MUSK: variants seen among roughly 807,000 people sequenced by gnomAD.
MUSK encodes the protein muscle associated receptor tyrosine kinase.
In MUSK, 55 loss-of-function variants were observed where a neutral mutation model predicts 88.7. The ratio of observed to expected loss-of-function variants is 0.62; its 90% CI spans 0.50 to 0.78. The LOEUF (loss-of-function observed/expected upper bound fraction) is 0.78, where lower values mean the gene tolerates loss of function less well. Among genes scored for constraint, MUSK ranks in the 30% least tolerant of loss-of-function variants. MUSK has a pLI of 0.00. For synonymous variants in MUSK, 387 were observed against 391.9 expected, an observed-to-expected ratio of 0.99 and a Z score of 0.15; for missense variants, 1,015 against 1,074.3, an observed-to-expected ratio of 0.94 and a Z score of 0.77.
At chr9:110,700,537 A>T (rs59094253) in intron 5 of MUSK, among the ~76,000 whole-genome samples, 3,835 of 152,184 alleles carry the variant, frequency 0.025, 171 homozygotes, top group African/African-American at 0.088. Context: ...TTTTTCAGAG[A>T]AAAGGGAGGA....
chr9:110,689,395 A>T (rs2076254654), intron 3 of MUSK, among the ~76,000 whole-genome samples: 1 of 116,716 alleles, frequency 8.6e-6, no homozygotes, highest in Non-Finnish European at 1.6e-5. Context: ...ATATAAAAAT[A>T]TGTGAAAAAT....
intron 8 of MUSK, among the ~76,000 whole-genome samples, chr9:110,762,847 C>T (rs2077421940): frequency 1.3e-5 from 2 of 152,052 alleles, no homozygotes; most frequent in Admixed American, 6.6e-5. Flanking sequence ...TAAAAACAGG[C>T]AGCAGGATAC....
At chr9:110,694,762 A>T (rs1248663600) in intron 3 of MUSK, among the ~76,000 whole-genome samples, 1 of 152,180 alleles carries the variant, frequency 6.6e-6, no homozygotes, top group Non-Finnish European at 1.5e-5. Flanking sequence ...AAAGTTTCAT[A>T]TTTGAGAATA....
In MUSK at chr9:110,754,564, G is replaced by C. The variant is rs1050920283; in HGVS notation, c.913+6764G>C. Among the ~76,000 whole-genome samples the C allele has an allele frequency of 3.3e-5, 5 of 152,112 alleles. 1 individual carries two copies. Among genetic ancestry groups the C allele is most frequent in the South Asian group, 4.1e-4 (2 of 4,830 alleles). On this transcript the variant is annotated intron_variant, in intron 7 of 14. Transcript: ENST00000374448. Reference sequence around the variant, plus strand: ...TATCCCCTCCCAGGTACTATGGCTGGATTCTCTTTTGCATTGGCTTATCTC... The same window carrying C: ...TATCCCCTCCCAGGTACTATGGCTGCATTCTCTTTTGCATTGGCTTATCTC...
intron 9 of MUSK, among the ~76,000 whole-genome samples, chr9:110,772,354 G>A (rs1189169558): frequency 6.6e-6 from 1 of 151,502 alleles, no homozygotes; most frequent in African/African-American, 2.4e-5. Context: ...AAATTTATTA[G>A]AAAATCATAG....
intron 1 of MUSK, 143 bp downstream of exon 1, chr9:110,669,126 GA>G: frequency 1.3e-6 from 1 of 757,322 alleles, no homozygotes; most frequent in South Asian, 1.5e-5. Context: ...GATGAGGGAG[GA>G]AATTATATAC....
At chr9:110,746,389 T>C (rs973149332) in intron 6 of MUSK, among the ~76,000 whole-genome samples, 1 of 152,222 alleles carries the variant, frequency 6.6e-6, no homozygotes, top group Non-Finnish European at 1.5e-5. Context: ...GTTAAGGTAG[T>C]TGTTACTCTT....
At chr9:110,674,172 GCTA>G (rs1346446813) in intron 1 of MUSK, among the ~76,000 whole-genome samples, 2 of 152,064 alleles carry the variant, frequency 1.3e-5, no homozygotes, top group Non-Finnish European at 2.9e-5. Flanking sequence ...CCAGTCTCAA[GCTA>G]CTATCAAATA....
At chr9:110,790,024 G>C (rs535112886) in intron 14 of MUSK, among the ~76,000 whole-genome samples, 2 of 152,304 alleles carry the variant, frequency 1.3e-5, no homozygotes, top group Non-Finnish European at 2.9e-5. Context: ...GAGCATTCCA[G>C]TATTTAGTGT....
intron 13 of MUSK, among the ~76,000 whole-genome samples, chr9:110,786,713 A>G (rs1416526674): frequency 6.6e-6 from 1 of 152,210 alleles, no homozygotes. Flanking sequence ...TGAGCTCAAG[A>G]AAGGAGTATG....
intron 11 of MUSK, among the ~76,000 whole-genome samples, chr9:110,781,213 ACT>A (rs1337614884): frequency 6.6e-6 from 1 of 150,982 alleles, no homozygotes; most frequent in Non-Finnish European, 1.5e-5. Flanking sequence ...ACTCCATTCT[ACT>A]CTCTTAATTC....
chr9:110,727,488 G>A (rs1297035138), intron 5 of MUSK: 1 of 152,692 alleles, frequency 6.5e-6, no homozygotes, highest in Non-Finnish European at 1.5e-5. Context: ...TGACCAGTCA[G>A]AGAATGGAGT....
In MUSK at chr9:110,668,917, G is replaced by A. The variant is rs765874906; in HGVS notation, c.13G>A (p.Val5Ile). 10 of 1,613,604 alleles carry A rather than the reference G, an allele frequency of 6.2e-6. No individual in the cohort carries two copies. Among genetic ancestry groups the A allele is most frequent in the Non-Finnish European group, 7.6e-6 (9 of 1,179,566 alleles). MREL[V>I]NIPLVHILTL... is the part of the protein sequence containing the mutation. The stretch of plus-strand genomic sequence containing the variant: ...GCCTGGATTAATCATGAGAGAGCTC[G>A]TCAACATTCCACTGGTACATATTCT... Residue 5 changes from valine (V) to isoleucine (I), a missense_variant, in exon 1 of 15, where the codon GTC (valine) becomes ATC (isoleucine). Coordinates refer to ENST00000374448, the MANE Select transcript of MUSK (RefSeq NM_005592.4).
intron 14 of MUSK, among the ~76,000 whole-genome samples, chr9:110,789,651 C>T (rs2846452): frequency 0.61 from 92,259 of 151,850 alleles, 28,541 homozygotes; most frequent in Middle Eastern, 0.68. Context: ...TGGTGGCACA[C>T]GCTTGTAATC....
intron 5 of MUSK, among the ~76,000 whole-genome samples, chr9:110,703,391 G>A (rs74704275): frequency 0.025 from 3,804 of 151,806 alleles, 178 homozygotes; most frequent in African/African-American, 0.086. Flanking sequence ...TTAGCCGGGC[G>A]TGGTGGTGCA....
Position 110,682,697 on chromosome 9 carries a change from G to C in MUSK, c.103G>C (p.Glu35Gln). 1.2e-6 allele frequency: 2 copies of C among 1,612,452 alleles called. No individual in the cohort carries two copies. Among genetic ancestry groups the C allele is most frequent in the Non-Finnish European group, 1.7e-6 (2 of 1,178,884 alleles). ...AGCTCCTGTCATCACCACTCCTCTT[G>C]AAACAGTGGATGCCTTAGTTGAAGA... Reference protein sequence around the residue: ...PKAPVITTPLETVDALVEEVA... With the variant: ...PKAPVITTPLQTVDALVEEVA... Residue 35 changes from glutamate (E) to glutamine (Q), a missense_variant, in exon 2 of 15, where the codon GAA (glutamate) becomes CAA (glutamine). Transcript: ENST00000374448.
At position 110,805,036 on chromosome 9, in the gene MUSK, A is replaced by G. The variant is rs1472957276; in HGVS notation, c.*4048A>G. Among the ~76,000 whole-genome samples, 1 of 151,984 alleles carries G rather than the reference A, an allele frequency of 6.6e-6. No individual in the cohort carries two copies. ...GTATTCATGTGCAACATTAATTTTG[A>G]TGGTTGAATAGTATTATACAGATTT... On this transcript the variant is annotated 3_prime_UTR_variant, in exon 15 of 15. Coordinates refer to ENST00000374448, the MANE Select transcript of MUSK (RefSeq NM_005592.4).
intron 8 of MUSK, among the ~76,000 whole-genome samples, chr9:110,767,571 A>G (rs904699336): frequency 6.6e-6 from 1 of 152,192 alleles, no homozygotes; most frequent in African/African-American, 2.4e-5. Flanking sequence ...TCAGTCCTTC[A>G]TAGTTCCCAA....
chr9:110,785,170 T>C (rs2077833812), intron 12 of MUSK, among the ~76,000 whole-genome samples, 154 bp downstream of exon 12: 1 of 152,200 alleles, frequency 6.6e-6, no homozygotes, highest in South Asian at 2.1e-4. Context: ...TCATGATCTT[T>C]ACAAATGTCA....
Sources: gnomAD v4.1 joint callset for allele counts (sites outside exome capture counted in the v4.1 genomes callset) on GRCh38, gnomAD v4.1.1 for gene constraint, MANE v1.5 for transcripts, NCBI Gene and HGNC (gene_info 2026-07-23, HGNC 2026-07-21) for gene names.